Variants in SIPA1L3 observed in about 807,000 individuals in gnomAD.
The protein encoded by SIPA1L3 is signal induced proliferation associated 1 like 3.
Under a neutral mutation model 150.1 loss-of-function variants are expected in SIPA1L3, and 59 were observed. The observed-to-expected ratio is 0.39, with a 90% CI of 0.32 to 0.49. The LOEUF (loss-of-function observed/expected upper bound fraction) is 0.49, where lower values mean the gene tolerates loss of function less well. Among genes scored for constraint, SIPA1L3 ranks in the 20% least tolerant of loss-of-function variants. The pLI is 0.86. For synonymous variants in SIPA1L3, 1,070 were observed against 1,077.6 expected (o/e 0.99, Z 0.14); for missense variants, 2,211 against 2,489.5 (o/e 0.89, Z 2.38).
rs541576050 is a variant in SIPA1L3 at position 37,947,358 on chromosome 19, A to G, written c.-379+40000A>G. Reference sequence around the variant, plus strand: ...CAAAAAATTAGCTGGGTGTGGTGGCAGGCACCTGTAGTCCCAGCTACTCAG... The same window carrying G: ...CAAAAAATTAGCTGGGTGTGGTGGCGGGCACCTGTAGTCCCAGCTACTCAG... On this transcript the variant is annotated intron_variant, in intron 1 of 21. Transcript: ENST00000222345. Among the ~76,000 whole-genome samples, 247 of 151,840 alleles carry G rather than the reference A, an allele frequency of 1.6e-3. 1 individual carries two copies. The East Asian group carries it at 0.021, about 13-fold the overall frequency.
intron 15 of SIPA1L3, chr19:38,173,478 G>C (rs912303692): frequency 1.0e-4 from 16 of 152,658 alleles, no homozygotes; most frequent in African/African-American, 3.8e-4. Context: ...CCTCTCCTGA[G>C]GCAGCACGCA....
At position 38,119,257 on chromosome 19, in the gene SIPA1L3, T is replaced by G. The variant is rs889118680; in HGVS notation, c.2292-49T>G. The G allele has an allele frequency of 3.4e-6, 5 of 1,480,290 alleles. No individual in the cohort carries two copies. In the African/African-American group the frequency reaches 7.0e-5, roughly 21 times the overall value. The allele number at this position is 1,480,290 out of a possible 1,614,324, so 91.7% of individuals were successfully genotyped here. A position where few individuals can be genotyped will look rare whatever the true frequency, so the allele number is the denominator to read the frequency against. ...TTGATCGAATATTTTCTCTCTGAAG[T>G]GTCTTAGTGCCTTTCTTCCCACCAT... On this transcript the variant is annotated intron_variant, in intron 8 of 21. Transcript: ENST00000222345.
At chr19:37,945,884 G>A (rs1347243022) in intron 1 of SIPA1L3, among the ~76,000 whole-genome samples, 1 of 152,130 alleles carries the variant, frequency 6.6e-6, no homozygotes, top group Admixed American at 6.5e-5. Flanking sequence ...GCTGGGCGTG[G>A]TGGCTCACGC....
At chr19:38,148,350 CA>C (rs765823221) in intron 12 of SIPA1L3, among the ~76,000 whole-genome samples, 388 of 128,574 alleles carry the variant, frequency 3.0e-3, no homozygotes, top group Admixed American at 2.9e-3. Context: ...GACTCCATCT[CA>C]AAAAAAAAAA....
At chr19:38,055,564 T>G (rs912723587) in intron 2 of SIPA1L3, among the ~76,000 whole-genome samples, 1 of 152,212 alleles carries the variant, frequency 6.6e-6, no homozygotes, top group African/African-American at 2.4e-5. Flanking sequence ...TGCGTGGGAA[T>G]CCAGGAAAGT....
rs762431944 is a variant in SIPA1L3 at position 38,193,594 on chromosome 19, C to T, written c.4654C>T (p.Arg1552Cys). The T allele has an allele frequency of 4.5e-6, 7 of 1,559,278 alleles. No individual in the cohort carries two copies. Among genetic ancestry groups the T allele is most frequent in the African/African-American group, 2.8e-5 (2 of 71,980 alleles). ...TLSDESLCSG[R>C]REPSFASPAG... ...GTCGGACGAGAGCCTGTGCAGCGGG[C>T]GCCGGGAGCCCAGCTTCGCCAGCCC... Residue 1552 changes from arginine to cysteine, a missense_variant, in exon 18 of 22, where the codon CGC becomes TGC. By Grantham distance (180) the Arg-to-Cys change is radical (BLOSUM62 -3). Transcript: ENST00000222345.
At chr19:38,102,049 C>CTTTTTTTTT (rs552210592) in intron 6 of SIPA1L3, among the ~76,000 whole-genome samples, 1 of 137,140 alleles carries the variant, frequency 7.3e-6, no homozygotes, top group African/African-American at 2.6e-5. Flanking sequence ...CTTTTCTTTT[C>CTTTTTTTTT]TTTTTTTTTT....
intron 9 of SIPA1L3, among the ~76,000 whole-genome samples, chr19:38,124,331 G>A (rs1211407998): frequency 8.0e-5 from 12 of 150,010 alleles, no homozygotes; most frequent in African/African-American, 9.8e-5. Context: ...ACGGGGTCGC[G>A]GCCAGGCAGA....
rs536212503 is a variant in SIPA1L3 at position 38,080,579 on chromosome 19, C to A, written c.-310-677C>A. Among the ~76,000 whole-genome samples, 3 of 152,058 alleles carry A rather than the reference C, an allele frequency of 2.0e-5. No individual in the cohort carries two copies. In the South Asian group the frequency reaches 6.2e-4, roughly 32 times the overall value. Reference sequence around the variant, plus strand: ...GGGTAGTGCATGACATTAAAGAATTCTTGTTAATGTAGATGAGTATGATAA... The same window carrying A: ...GGGTAGTGCATGACATTAAAGAATTATTGTTAATGTAGATGAGTATGATAA... On this transcript the variant is annotated intron_variant, in intron 2 of 21. Transcript: ENST00000222345.
chr19:38,020,930 AGCTGG>A (rs1968360091), intron 1 of SIPA1L3, among the ~76,000 whole-genome samples: 2 of 152,088 alleles, frequency 1.3e-5, no homozygotes, highest in South Asian at 4.2e-4. Context: ...CCTCCCGAGT[AGCTGG>A]GACTACAGGC....
intron 4 of SIPA1L3, among the ~76,000 whole-genome samples, chr19:38,096,253 T>TTG (rs1970378713): frequency 6.6e-6 from 1 of 152,036 alleles, no homozygotes. Flanking sequence ...CCTTAGTCTT[T>TTG]TTGTTGTTGT....
intron 2 of SIPA1L3, among the ~76,000 whole-genome samples, chr19:38,037,705 A>C (rs1223958110): frequency 6.6e-6 from 1 of 152,172 alleles, no homozygotes; most frequent in Non-Finnish European, 1.5e-5. Context: ...CCAGGCAGAT[A>C]CATAGGATAA....
chr19:38,015,478 C>T (rs1192120662), intron 1 of SIPA1L3, among the ~76,000 whole-genome samples: 1 of 152,000 alleles, frequency 6.6e-6, no homozygotes, highest in Non-Finnish European at 1.5e-5. Flanking sequence ...AATTCCAGCA[C>T]TTTGGGAGGC....
At chr19:38,034,874 T>C (rs1968744308) in intron 2 of SIPA1L3, among the ~76,000 whole-genome samples, 1 of 152,222 alleles carries the variant, frequency 6.6e-6, no homozygotes, top group African/African-American at 2.4e-5. Flanking sequence ...GGTCTGCTGG[T>C]TGATTGCGCA....
intron 2 of SIPA1L3, among the ~76,000 whole-genome samples, chr19:38,075,881 C>T (rs1395725177): frequency 6.6e-6 from 1 of 152,040 alleles, no homozygotes. Context: ...CGGTGGCTCA[C>T]GCCTGTAACC....
At chr19:38,098,086 C>T (rs531169071) in intron 4 of SIPA1L3, among the ~76,000 whole-genome samples, 1 of 152,292 alleles carries the variant, frequency 6.6e-6, no homozygotes, top group South Asian at 2.1e-4. Context: ...ACAGTTATTA[C>T]TATAGTACCT....
intron 1 of SIPA1L3, among the ~76,000 whole-genome samples, chr19:37,927,010 ATT>A (rs758273855): frequency 4.1e-5 from 6 of 145,062 alleles, no homozygotes; most frequent in Admixed American, 2.1e-4. Flanking sequence ...TGGTGGCATG[ATT>A]TTTTTTTTTT....
At chr19:38,138,146 A>T (rs1261201483) in intron 10 of SIPA1L3, among the ~76,000 whole-genome samples, 3 of 151,958 alleles carry the variant, frequency 2.0e-5, no homozygotes, top group Non-Finnish European at 2.9e-5. Flanking sequence ...AAAAAAAAAA[A>T]TAATAAAGTA....
At chr19:38,170,905 G>A (rs1402317389) in intron 15 of SIPA1L3, among the ~76,000 whole-genome samples, 1 of 151,982 alleles carries the variant, frequency 6.6e-6, no homozygotes, top group African/African-American at 2.4e-5. Context: ...CATTCATCTG[G>A]GATGCAGTTA....
Sources: gnomAD v4.1 joint callset for allele counts (sites outside exome capture counted in the v4.1 genomes callset) on GRCh38, gnomAD v4.1.1 for gene constraint, MANE v1.5 for transcripts, NCBI Gene and HGNC (gene_info 2026-07-23, HGNC 2026-07-21) for gene names.